The following GOLPH3L variants were observed in gnomAD, a reference collection of about 807,000 sequenced individuals.
GOLPH3L encodes the protein golgi phosphoprotein 3 like, also known as Golgi phosphoprotein 3-like.
In GOLPH3L, 22 loss-of-function variants were observed where a neutral mutation model predicts 30.3. The ratio of observed to expected loss-of-function variants is 0.73; its 90% confidence interval spans 0.52 to 1.04. The LOEUF is 1.04. Ranked by LOEUF, GOLPH3L falls within the 50% of genes least tolerant of loss-of-function variation. The pLI is 0.00. For synonymous variants in GOLPH3L, 120 were observed against 128.2 expected (o/e 0.94, Z 0.43); for missense variants, 303 against 345.8 (o/e 0.88, Z 0.98).
At chr1:150,673,273 C>A (rs587611998) in intron 2 of GOLPH3L, among the ~76,000 whole-genome samples, 1 of 151,914 alleles carries the variant, frequency 6.6e-6, no homozygotes, top group Admixed American at 6.6e-5. Context: ...CCAAAGAAAA[C>A]GGAAGAAAAG....
intron 2 of GOLPH3L, among the ~76,000 whole-genome samples, chr1:150,665,327 C>T (rs587681788): frequency 6.9e-6 from 1 of 145,162 alleles, no homozygotes; most frequent in South Asian, 2.2e-4. Context: ...TTTGGGGTTA[C>T]TTTTTTTTTT....
chr1:150,684,138 G>C (rs2101814273), intron 2 of GOLPH3L, among the ~76,000 whole-genome samples: 1 of 152,230 alleles, frequency 6.6e-6, no homozygotes, highest in South Asian at 2.1e-4. Context: ...AAGTCTGCAG[G>C]GCAAGGTGAG....
intron 3 of GOLPH3L, among the ~76,000 whole-genome samples, chr1:150,663,066 G>A (rs1352299434): frequency 6.6e-6 from 1 of 150,848 alleles, no homozygotes; most frequent in Non-Finnish European, 1.5e-5. Context: ...ACGGAGTCTT[G>A]CACTGTCCCC....
At chr1:150,680,244 CCA>C (rs1428796212) in intron 2 of GOLPH3L, among the ~76,000 whole-genome samples, 3 of 152,084 alleles carry the variant, frequency 2.0e-5, no homozygotes, top group African/African-American at 7.2e-5. Flanking sequence ...TCACCAGTAC[CCA>C]GAGAGAGGTA....
chr1:150,661,206 C>T lies in GOLPH3L; in HGVS notation c.430+608G>A, dbSNP rs148965734. On this transcript the variant is annotated intron_variant, in intron 4 of 4. Coordinates refer to ENST00000271732, the MANE Select transcript of GOLPH3L (RefSeq NM_018178.6). ...TTGCATCACTGTACTCCAGCCTGGACGACAGAGCAAGACTCCATCTCGAAA... is the reference window on the plus strand; with the variant it reads ...TTGCATCACTGTACTCCAGCCTGGATGACAGAGCAAGACTCCATCTCGAAA... Among the ~76,000 whole-genome samples, 902 of 152,026 alleles carry T rather than the reference C, an allele frequency of 5.9e-3. 15 individuals are homozygous for T. Among genetic ancestry groups the T allele is most frequent in the African/African-American group, 0.02 (841 of 41,434 alleles).
intron 2 of GOLPH3L, among the ~76,000 whole-genome samples, chr1:150,674,793 G>A (rs1333680146): frequency 6.6e-6 from 1 of 152,080 alleles, no homozygotes; most frequent in East Asian, 2.0e-4. Flanking sequence ...TCAGGAGGCT[G>A]AGGTGGAAGG....
intron 2 of GOLPH3L, among the ~76,000 whole-genome samples, chr1:150,664,934 T>G (rs1488917702): frequency 6.6e-6 from 1 of 152,230 alleles, no homozygotes; most frequent in Non-Finnish European, 1.5e-5. Flanking sequence ...GCATTTAGTA[T>G]AGTGCCTGGC....
At chr1:150,677,634 T>C (rs587661696) in intron 2 of GOLPH3L, among the ~76,000 whole-genome samples, 1 of 151,978 alleles carries the variant, frequency 6.6e-6, no homozygotes, top group East Asian at 1.9e-4. Flanking sequence ...ATTTCTTTTT[T>C]TTTTTTTTTT....
intron 2 of GOLPH3L, among the ~76,000 whole-genome samples, chr1:150,673,318 C>T (rs1650687036): frequency 6.6e-6 from 1 of 152,070 alleles, no homozygotes; most frequent in Non-Finnish European, 1.5e-5. Context: ...AATCCCAGCA[C>T]TTTGGGAAGC....
chr1:150,682,493 G>A (rs1474589084), intron 2 of GOLPH3L, among the ~76,000 whole-genome samples: 1 of 151,826 alleles, frequency 6.6e-6, no homozygotes, highest in African/African-American at 2.4e-5. Flanking sequence ...GCTGGGCGTG[G>A]TGGCCTGCAC....
chr1:150,667,808 AT>A (rs1350108664), intron 2 of GOLPH3L, among the ~76,000 whole-genome samples: 1 of 151,756 alleles, frequency 6.6e-6, no homozygotes, highest in Non-Finnish European at 1.5e-5. Context: ...GTTAGCTAGG[AT>A]GGTCTTGATC....
At chr1:150,685,333 T>C (rs587647369) in intron 2 of GOLPH3L, among the ~76,000 whole-genome samples, 4 of 152,194 alleles carry the variant, frequency 2.6e-5, no homozygotes, top group South Asian at 2.1e-4. Context: ...AAGAAAGATA[T>C]GGATAAGACC....
At chr1:150,650,369 G>A (rs1025239788) in intron 4 of GOLPH3L, among the ~76,000 whole-genome samples, 8 of 152,204 alleles carry the variant, frequency 5.3e-5, no homozygotes, top group African/African-American at 1.9e-4. Context: ...GCTGCTGCAG[G>A]CAAGTCACTA....
At chr1:150,687,498 G>A (rs998586984) in intron 2 of GOLPH3L, among the ~76,000 whole-genome samples, 2 of 151,848 alleles carry the variant, frequency 1.3e-5, no homozygotes, top group East Asian at 1.9e-4. Flanking sequence ...AGAATTGAAC[G>A]CGGGAGGCAG....
intron 4 of GOLPH3L, among the ~76,000 whole-genome samples, chr1:150,649,130 C>T (rs1557778538): frequency 6.6e-6 from 1 of 152,176 alleles, no homozygotes; most frequent in African/African-American, 2.4e-5. Context: ...AGGTTCCCTA[C>T]CCTATTTGTA....
At position 150,663,741 on chromosome 1, in the gene GOLPH3L, T is replaced by A. The variant is rs1315997964; in HGVS notation, c.206A>T (p.Asp69Val). 1 of 1,613,362 alleles carries A rather than the reference T, an allele frequency of 6.2e-7. No individual in the cohort carries two copies. The highest frequency in any genetic ancestry group is 1.3e-5 in the African/African-American group (1 of 74,884). Residue 69 changes from aspartate (D) to valine (V), a missense_variant, in exon 3 of 5, where the codon GAC becomes GTC. Coordinates refer to ENST00000271732, the MANE Select transcript of GOLPH3L (RefSeq NM_018178.6). ...CCCTCGCAGGCCTGATGATATGCAG[T>A]CATTCCAGAAAGATGTGTACCCCTA... Reference protein sequence around the residue: ...DKEGYTSFWNDCISSGLRGGI... With the variant: ...DKEGYTSFWNVCISSGLRGGI...
At chr1:150,652,701 T>A (rs1157154588) in intron 4 of GOLPH3L, among the ~76,000 whole-genome samples, 1 of 152,138 alleles carries the variant, frequency 6.6e-6, no homozygotes, top group Non-Finnish European at 1.5e-5. Context: ...AATATTTATA[T>A]AATTGTTATT....
At chr1:150,659,503 C>G (rs1278626023) in intron 4 of GOLPH3L, among the ~76,000 whole-genome samples, 1 of 152,148 alleles carries the variant, frequency 6.6e-6, no homozygotes, top group African/African-American at 2.4e-5. Context: ...TTATTTCGGC[C>G]CATCCCTTTA....
chr1:150,694,924 T>C (rs370563923), intron 1 of GOLPH3L, 74 bp from the exon 2 acceptor site: 1 of 743,378 alleles, frequency 1.3e-6, no homozygotes. Context: ...ACATGCATAC[T>C]AAACATCCAT....
Sources: gnomAD v4.1 joint callset for allele counts (sites outside exome capture counted in the v4.1 genomes callset) on GRCh38, gnomAD v4.1.1 for gene constraint, MANE v1.5 for transcripts, NCBI Gene and HGNC (gene_info 2026-07-23, HGNC 2026-07-21) for gene names.